Variants in EDA observed in about 807,000 individuals in gnomAD.
The protein encoded by EDA is ectodysplasin-A.
In EDA, 2 loss-of-function variants were observed where a neutral mutation model predicts 23.6. The ratio of observed to expected loss-of-function variants is 0.08; its 90% CI spans 0.03 to 0.27. The LOEUF (loss-of-function observed/expected upper bound fraction) is 0.27. Ranked by LOEUF, EDA falls within the 10% of genes least tolerant of loss-of-function variation. The pLI is 1.00. For synonymous variants in EDA, 131 were observed against 132.0 expected (o/e 0.99, Z 0.05); for missense variants, 229 against 324.2 (o/e 0.71, Z 2.26).
intron 1 of EDA, among the ~76,000 whole-genome samples, chrX:69,943,849 A>G (rs1265920250): frequency 1.8e-5 from 2 of 109,387 alleles, no homozygotes; most frequent in African/African-American, 6.7e-5. Flanking sequence ...CTACTTGGTG[A>G]TCTATTCTAC....
At chrX:69,650,383 C>A (rs755740958) in intron 1 of EDA, among the ~76,000 whole-genome samples, 2 of 111,591 alleles carry the variant, frequency 1.8e-5, no homozygotes, top group South Asian at 7.6e-4. Flanking sequence ...TATGTACTTA[C>A]AAAGGGCTAT....
At chrX:69,966,662 G>A (rs1450754291) in intron 2 of EDA, among the ~76,000 whole-genome samples, 1 of 109,153 alleles carries the variant, frequency 9.2e-6, no homozygotes, top group Admixed American at 9.9e-5. Flanking sequence ...CAAAAGGAGG[G>A]ATAACTCTAA....
intron 1 of EDA, among the ~76,000 whole-genome samples, chrX:69,717,500 C>A (rs4634808): frequency 6.6e-5 from 7 of 106,726 alleles, no homozygotes; most frequent in African/African-American, 2.4e-4. Flanking sequence ...TGTGTCACCT[C>A]CCAAATCTCA....
chrX:69,971,008 A>G (rs768647477), intron 2 of EDA, among the ~76,000 whole-genome samples: 1 of 112,519 alleles, frequency 8.9e-6, no homozygotes, highest in Non-Finnish European at 1.9e-5. Flanking sequence ...AAAGAATTGA[A>G]TAACAATCAA....
intron 1 of EDA, among the ~76,000 whole-genome samples, chrX:69,899,382 C>A (rs1423157175): frequency 9.0e-6 from 1 of 111,438 alleles, no homozygotes; most frequent in Non-Finnish European, 1.9e-5. Flanking sequence ...GACCTGCCAA[C>A]CTCAGGTCTG....
At chrX:69,989,876 G>A (rs1183036536) in intron 2 of EDA, among the ~76,000 whole-genome samples, 1 of 102,939 alleles carries the variant, frequency 9.7e-6, no homozygotes, top group East Asian at 3.0e-4. Context: ...AATAACAAAA[G>A]ATCTAGTATT....
intron 1 of EDA, among the ~76,000 whole-genome samples, chrX:69,698,982 TAGC>T (rs1401669257): frequency 9.0e-6 from 1 of 111,570 alleles, no homozygotes; most frequent in Non-Finnish European, 1.9e-5. Flanking sequence ...GACTAGAAGA[TAGC>T]AGAGCCATTT....
At chrX:69,952,270 T>TA (rs1210056425) in intron 1 of EDA, among the ~76,000 whole-genome samples, 1 of 112,017 alleles carries the variant, frequency 8.9e-6, no homozygotes, top group African/African-American at 3.2e-5. Context: ...CTGGGCAATT[T>TA]AAAAAAGAAA....
chrX:69,667,057 G>A (rs1933705724), intron 1 of EDA, among the ~76,000 whole-genome samples: 1 of 107,971 alleles, frequency 9.3e-6, no homozygotes, highest in Non-Finnish European at 1.9e-5. Context: ...TTTCCTCTAG[G>A]TTATCCAATT....
At chrX:69,824,545 T>C (rs1381511198) in intron 1 of EDA, among the ~76,000 whole-genome samples, 3 of 109,453 alleles carry the variant, frequency 2.7e-5, no homozygotes, top group Non-Finnish European at 3.8e-5. Context: ...TGTACATTGA[T>C]TTTGTATCCT....
At chrX:69,683,382 C>G (rs1284783567) in intron 1 of EDA, among the ~76,000 whole-genome samples, 1 of 111,196 alleles carries the variant, frequency 9.0e-6, no homozygotes, top group Non-Finnish European at 1.9e-5. Flanking sequence ...TTCCTTAGCC[C>G]AAGATGACTA....
intron 1 of EDA, among the ~76,000 whole-genome samples, chrX:69,710,033 G>A (rs2011914429): frequency 9.0e-6 from 1 of 111,664 alleles, no homozygotes; most frequent in Admixed American, 9.5e-5. Context: ...GGCTTTTGTT[G>A]CCATTGCTTT....
At chrX:69,647,501 A>C (rs1162870667) in intron 1 of EDA, among the ~76,000 whole-genome samples, 1 of 111,153 alleles carries the variant, frequency 9.0e-6, no homozygotes, top group Admixed American at 9.6e-5. Flanking sequence ...TTGTGATTGC[A>C]TTGTGAAGTT....
At chrX:70,009,894 G>A (rs750307453) in intron 2 of EDA, among the ~76,000 whole-genome samples, 2 of 112,093 alleles carry the variant, frequency 1.8e-5, no homozygotes, top group East Asian at 5.6e-4. Flanking sequence ...ACCTAGAAGG[G>A]TGTTTTTAAA....
At chrX:70,009,340 T>C (rs1003158725) in intron 2 of EDA, among the ~76,000 whole-genome samples, 2 of 111,896 alleles carry the variant, frequency 1.8e-5, no homozygotes, top group African/African-American at 6.5e-5. Context: ...ACTTCTAGTT[T>C]CTTAAGGTAG....
rs5902662 is a variant in EDA, at chrX:69,793,376, G to GTT, written c.397-163640_397-163639dup. Among the ~76,000 whole-genome samples, 274 of 98,948 alleles carry GTT rather than the reference G, an allele frequency of 2.8e-3. 1 individual carries two copies. The highest frequency in any genetic ancestry group is 0.01 in the Middle Eastern group (2 of 194). 85.9% of individuals were successfully genotyped at this position (98,948 alleles called of 115,157 possible). A position where few individuals can be genotyped will look rare whatever the true frequency, so the allele number is the denominator to read the frequency against. Reference sequence around the variant, plus strand: ...AACTCAAAGTGGTTCTAATAGTAGGGTTTTTTTTTTTTAATTATCTCCCAT... The same window carrying GTT: ...AACTCAAAGTGGTTCTAATAGTAGGGTTTTTTTTTTTTTTAATTATCTCCCAT... On this transcript the variant is annotated intron_variant, in intron 1 of 7. Coordinates refer to ENST00000374552, the MANE Select transcript of EDA (RefSeq NM_001399.5).
chrX:69,765,177 G>A (rs1046935119), intron 1 of EDA, among the ~76,000 whole-genome samples: 5 of 111,940 alleles, frequency 4.5e-5, no homozygotes, highest in African/African-American at 1.6e-4. Context: ...TAGCAACAGT[G>A]GTGGACCTAA....
intron 4 of EDA, among the ~76,000 whole-genome samples, chrX:70,029,109 G>A (rs1383082298): frequency 1.8e-5 from 2 of 112,811 alleles, no homozygotes; most frequent in Non-Finnish European, 3.7e-5. Context: ...AAAGAAACAA[G>A]ATATTTACAA....
At chrX:69,836,074 C>T (rs1300426570) in intron 1 of EDA, among the ~76,000 whole-genome samples, 3 of 111,689 alleles carry the variant, frequency 2.7e-5, no homozygotes, top group Non-Finnish European at 5.6e-5. Flanking sequence ...TGCAGAACAG[C>T]AAATATTGCT....
Sources: gnomAD v4.1 joint callset for allele counts (sites outside exome capture counted in the v4.1 genomes callset) on GRCh38, gnomAD v4.1.1 for gene constraint, MANE v1.5 for transcripts, NCBI Gene and HGNC (gene_info 2026-07-23, HGNC 2026-07-21) for gene names.